SDK1: variants seen among roughly 807,000 people sequenced by gnomAD.
SDK1 encodes protein sidekick-1.
SDK1 carries 157 observed loss-of-function variants against 245.5 expected under a neutral mutation model. The ratio of observed to expected loss-of-function variants is 0.64; its 90% CI spans 0.56 to 0.73. The LOEUF (loss-of-function observed/expected upper bound fraction) is 0.73. SDK1 is among the 30% of genes least tolerant of loss of function. The pLI is 0.00. For synonymous variants in SDK1, 1,647 were observed against 1,278.5 expected (o/e 1.29, Z -6.15); for missense variants, 3,583 against 3,002.3 (o/e 1.19, Z -4.52).
chr7:4,189,158 G>C (rs1783050724), intron 35 of SDK1, among the ~76,000 whole-genome samples: 1 of 152,166 alleles, frequency 6.6e-6, no homozygotes, highest in Non-Finnish European at 1.5e-5. Flanking sequence ...ATTCATGCTT[G>C]CTCCCGGGAG....
intron 5 of SDK1, among the ~76,000 whole-genome samples, chr7:3,843,580 G>A (rs1168397967): frequency 6.6e-6 from 1 of 152,096 alleles, no homozygotes; most frequent in Non-Finnish European, 1.5e-5. Flanking sequence ...TTATGCTTTT[G>A]ATGGAAATTA....
At chr7:3,707,322 A>G (rs1421293571) in intron 4 of SDK1, among the ~76,000 whole-genome samples, 1 of 152,236 alleles carries the variant, frequency 6.6e-6, no homozygotes, top group Non-Finnish European at 1.5e-5. Context: ...AAATCATTCC[A>G]GGAGCAGGTT....
intron 14 of SDK1, among the ~76,000 whole-genome samples, chr7:3,990,530 G>A (rs1392687689): frequency 3.9e-5 from 6 of 152,240 alleles, no homozygotes; most frequent in South Asian, 2.1e-4. Flanking sequence ...CTGCCTGTAC[G>A]TAAAACAGGA....
intron 22 of SDK1, among the ~76,000 whole-genome samples, chr7:4,096,132 A>T (rs58998665): frequency 0.034 from 5,239 of 152,338 alleles, 276 homozygotes; most frequent in African/African-American, 0.12. Flanking sequence ...AAAAGTCCAC[A>T]GTGTTTATAA....
chr7:3,665,689 C>T (rs560602777), intron 4 of SDK1, among the ~76,000 whole-genome samples: 31 of 152,242 alleles, frequency 2.0e-4, no homozygotes, highest in Admixed American at 6.5e-4. Context: ...CAGGACATGT[C>T]GTGCCATTCA....
chr7:3,328,237 T>C (rs1779982447), intron 1 of SDK1, among the ~76,000 whole-genome samples: 1 of 152,176 alleles, frequency 6.6e-6, no homozygotes. Context: ...TTTCACTTTA[T>C]CCAATCTGAT....
At chr7:4,126,954 T>G (rs1784428373) in intron 25 of SDK1, among the ~76,000 whole-genome samples, 1 of 152,146 alleles carries the variant, frequency 6.6e-6, no homozygotes, top group African/African-American at 2.4e-5. Context: ...TACCCTCCCT[T>G]CCCCTTCTTT....
chr7:3,403,864 T>G lies in SDK1; in HGVS notation c.298+101980T>G, dbSNP rs1255376533. 1.5e-4 allele frequency among the ~76,000 whole-genome samples: 17 copies of G among 116,360 alleles called. No individual in the cohort carries two copies. The East Asian group carries it at 3.2e-3, about 22-fold the overall frequency. The allele number at this position is 116,360 out of a possible 152,430, so 76.3% of individuals were successfully genotyped here. A position where few individuals can be genotyped will look rare whatever the true frequency, so the allele number is the denominator to read the frequency against. ...ATATATATATATATATATATATATATATATAATATATATATTTATTTATAT... is the reference window on the plus strand; with the variant it reads ...ATATATATATATATATATATATATAGATATAATATATATATTTATTTATAT... On this transcript the variant is annotated intron_variant, in intron 1 of 44. Transcript: ENST00000404826.
intron 1 of SDK1, among the ~76,000 whole-genome samples, chr7:3,359,967 C>A (rs1266213001): frequency 6.6e-6 from 1 of 152,202 alleles, no homozygotes; most frequent in South Asian, 2.1e-4. Context: ...GCAACAGACA[C>A]ACTCACAAAG....
rs560124026 is a variant in SDK1 at position 3,357,328 on chromosome 7, G to GTTT, written c.298+55481_298+55483dup. On this transcript the variant is annotated intron_variant, in intron 1 of 44. Coordinates refer to ENST00000404826, the MANE Select transcript of SDK1 (RefSeq NM_152744.4). ...TTACTCTTGCTCCCCTTCTTTTAGT[G>GTTT]TTTTTTTTTTTTTTTTTTTTTTTTT... Among the ~76,000 whole-genome samples, 8 of 52,946 alleles carry GTTT rather than the reference G, an allele frequency of 1.5e-4. 1 individual carries two copies. The highest frequency in any genetic ancestry group is 2.1e-4 in the Non-Finnish European group (6 of 28,316). The allele number at this position is 52,946 out of a possible 152,430, so 34.7% of individuals were successfully genotyped here. A position where few individuals can be genotyped will look rare whatever the true frequency, so the allele number is the denominator to read the frequency against.
chr7:3,321,809 C>T lies in SDK1; in HGVS notation c.298+19925C>T, dbSNP rs1428067938. Among the ~76,000 whole-genome samples, 55 of 127,046 alleles carry T rather than the reference C, an allele frequency of 4.3e-4. 1 individual carries two copies. The highest frequency in any genetic ancestry group is 1.6e-3 in the African/African-American group (52 of 31,774). 83.3% of individuals were successfully genotyped at this position (127,046 alleles called of 152,430 possible). A position where few individuals can be genotyped will look rare whatever the true frequency, so the allele number is the denominator to read the frequency against. On this transcript the variant is annotated intron_variant, in intron 1 of 44. Transcript: ENST00000404826. ...CCTTCCTTCCTTCCTTCCTTCCTTCCTTCCTTCCTTCCTTCCTTCCTCCTT... is the reference window on the plus strand; with the variant it reads ...CCTTCCTTCCTTCCTTCCTTCCTTCTTTCCTTCCTTCCTTCCTTCCTCCTT...
chr7:3,595,089 C>T (rs567733289), intron 1 of SDK1, among the ~76,000 whole-genome samples: 19 of 152,170 alleles, frequency 1.2e-4, no homozygotes, highest in South Asian at 6.2e-4. Context: ...ATTTCAGCAA[C>T]GCGTAGAAGA....
At chr7:4,051,914 G>T in intron 19 of SDK1, 84 bp downstream of exon 19, 1 of 1,331,968 alleles carries the variant, frequency 7.5e-7, no homozygotes. Flanking sequence ...GGCAAGGGCA[G>T]AGGTGGATCA....
chr7:3,828,973 C>T (rs569318581), intron 5 of SDK1, among the ~76,000 whole-genome samples: 49 of 152,078 alleles, frequency 3.2e-4, no homozygotes, highest in African/African-American at 1.0e-3. Context: ...GAAGTTTATA[C>T]GCATAGTTTT....
At chr7:3,378,575 G>T (rs1277026440) in intron 1 of SDK1, among the ~76,000 whole-genome samples, 5 of 152,212 alleles carry the variant, frequency 3.3e-5, no homozygotes, top group African/African-American at 9.6e-5. Flanking sequence ...TCCAAAGCCT[G>T]CCCTCTTAAC....
chr7:3,810,395 T>A (rs1779355995), intron 4 of SDK1, among the ~76,000 whole-genome samples: 2 of 152,176 alleles, frequency 1.3e-5, no homozygotes, highest in Non-Finnish European at 2.9e-5. Flanking sequence ...GAAATGTTTC[T>A]GCCTAAACCT....
chr7:3,791,521 A>G (rs1781088935), intron 4 of SDK1, among the ~76,000 whole-genome samples: 1 of 152,154 alleles, frequency 6.6e-6, no homozygotes, highest in Non-Finnish European at 1.5e-5. Flanking sequence ...AGAGGCTGCC[A>G]TCCTGAGGGA....
chr7:3,702,942 C>T (rs1272524596), intron 4 of SDK1, among the ~76,000 whole-genome samples: 1 of 150,938 alleles, frequency 6.6e-6, no homozygotes, highest in African/African-American at 2.4e-5. Context: ...ACCAAATACT[C>T]AGGAAGATGC....
intron 1 of SDK1, among the ~76,000 whole-genome samples, chr7:3,315,670 TAA>T (rs1179773282): frequency 1.3e-5 from 2 of 152,240 alleles, no homozygotes; most frequent in Non-Finnish European, 2.9e-5. Context: ...CTGAATGTTC[TAA>T]GTTTTCAAAC....
Sources: gnomAD v4.1 joint callset for allele counts (sites outside exome capture counted in the v4.1 genomes callset) on GRCh38, gnomAD v4.1.1 for gene constraint, MANE v1.5 for transcripts, NCBI Gene and HGNC (gene_info 2026-07-23, HGNC 2026-07-21) for gene names.